OPCML: variants seen among roughly 807,000 people sequenced by gnomAD.
OPCML encodes opioid-binding protein/cell adhesion molecule.
OPCML carries 13 observed loss-of-function variants against 37.8 expected under a neutral mutation model. The observed-to-expected ratio is 0.34, with a 90% CI of 0.22 to 0.55. The LOEUF is 0.55. OPCML is among the 20% of genes least tolerant of loss of function. The probability of loss-of-function intolerance (pLI) is 0.91; values close to 1 mark genes in which losing one functional copy is unlikely to be tolerated. For synonymous variants in OPCML, 176 were observed against 168.8 expected (o/e 1.04, Z -0.33); for missense variants, 341 against 435.6 (o/e 0.78, Z 1.93).
chr11:133,363,817 G>T (rs1164263938), intron 1 of OPCML, among the ~76,000 whole-genome samples: 1 of 152,178 alleles, frequency 6.6e-6, no homozygotes, highest in Admixed American at 6.5e-5. Flanking sequence ...CTATTTCTTT[G>T]CAGGGAGTGA....
intron 1 of OPCML, among the ~76,000 whole-genome samples, chr11:133,448,004 A>C (rs1946506134): frequency 6.6e-6 from 1 of 152,100 alleles, no homozygotes; most frequent in African/African-American, 2.4e-5. Context: ...TCATTTTCTT[A>C]ATGGTGTCTT....
chr11:132,468,752 C>T (rs1159478781), intron 4 of OPCML, among the ~76,000 whole-genome samples: 2 of 152,178 alleles, frequency 1.3e-5, no homozygotes, highest in Non-Finnish European at 2.9e-5. Context: ...GGTAAAGCAG[C>T]TCTACCTCTT....
At chr11:133,312,396 C>T (rs1461133744) in intron 1 of OPCML, among the ~76,000 whole-genome samples, 1 of 152,178 alleles carries the variant, frequency 6.6e-6, no homozygotes, top group East Asian at 1.9e-4. Context: ...TTGCTCCTCT[C>T]CTTCGTTTCA....
rs180767254 is a variant in OPCML at position 133,395,615 on chromosome 11, T to C, written c.61+136649A>G. On this transcript the variant is annotated intron_variant, in intron 1 of 7. Transcript: ENST00000524381. ...TCTTCTGCATATGGATATCCAGTTT[T>C]CCCAGTACAATTTATTGAAGAGACT... Among the ~76,000 whole-genome samples the C allele has an allele frequency of 7.2e-5, 11 of 152,312 alleles. No individual in the cohort carries two copies. The East Asian group carries it at 2.1e-3, about 29-fold the overall frequency.
intron 1 of OPCML, among the ~76,000 whole-genome samples, chr11:133,232,588 A>G (rs1049269979): frequency 6.6e-6 from 1 of 151,652 alleles, no homozygotes; most frequent in Admixed American, 6.6e-5. Flanking sequence ...AAAAAAAACC[A>G]CCTCACTCTT....
At chr11:132,842,095 C>A (rs540464217) in intron 2 of OPCML, among the ~76,000 whole-genome samples, 4 of 152,156 alleles carry the variant, frequency 2.6e-5, no homozygotes, top group African/African-American at 9.6e-5. Context: ...AAGCAAGAAC[C>A]ACTTTCCTAT....
intron 2 of OPCML, among the ~76,000 whole-genome samples, chr11:132,934,906 G>A (rs182223159): frequency 2.0e-5 from 3 of 152,222 alleles, no homozygotes; most frequent in Non-Finnish European, 2.9e-5. Flanking sequence ...TTGGGAGGCC[G>A]GGATGGGGGG....
chr11:132,767,851 A>G (rs1006238351), intron 2 of OPCML, among the ~76,000 whole-genome samples: 1 of 152,064 alleles, frequency 6.6e-6, no homozygotes, highest in Admixed American at 6.5e-5. Flanking sequence ...AATATGGGGG[A>G]AAAACCTAGT....
At chr11:132,897,843 A>T (rs1943906731) in intron 2 of OPCML, among the ~76,000 whole-genome samples, 2 of 152,182 alleles carry the variant, frequency 1.3e-5, no homozygotes, top group South Asian at 4.1e-4. Context: ...GGTGGCAAAA[A>T]CATTGAGAGA....
chr11:133,450,818 C>T (rs1946566357), intron 1 of OPCML, among the ~76,000 whole-genome samples: 1 of 151,596 alleles, frequency 6.6e-6, no homozygotes, highest in Non-Finnish European at 1.5e-5. Flanking sequence ...TGTGAGGTTC[C>T]ACAGACAGTG....
intron 3 of OPCML, among the ~76,000 whole-genome samples, chr11:132,529,665 A>C (rs553025790): frequency 2.0e-5 from 3 of 152,282 alleles, no homozygotes; most frequent in Non-Finnish European, 2.9e-5. Context: ...AGACCCTTTT[A>C]AAATCTTTGA....
intron 2 of OPCML, among the ~76,000 whole-genome samples, chr11:132,775,934 T>A (rs74537565): frequency 0.015 from 2,211 of 152,202 alleles, 22 homozygotes; most frequent in Middle Eastern, 0.034. Flanking sequence ...ACCCCAGTGC[T>A]TTCTGTTTCT....
At chr11:132,467,173 T>C (rs561474682) in intron 4 of OPCML, among the ~76,000 whole-genome samples, 15 of 152,316 alleles carry the variant, frequency 9.8e-5, no homozygotes, top group Non-Finnish European at 1.9e-4. Flanking sequence ...ACTCGTCCAC[T>C]GGCCTGAAGG....
At chr11:132,672,323 G>A (rs1254136671) in intron 2 of OPCML, among the ~76,000 whole-genome samples, 1 of 152,178 alleles carries the variant, frequency 6.6e-6, no homozygotes, top group East Asian at 1.9e-4. Context: ...ATACTTACAT[G>A]TGCTTTTTAG....
chr11:132,780,962 C>T lies in OPCML; in HGVS notation c.147-123643G>A, dbSNP rs549755570. 3.9e-5 allele frequency among the ~76,000 whole-genome samples: 6 copies of T among 152,120 alleles called. No individual in the cohort carries two copies. The South Asian group carries it at 1.2e-3, about 32-fold the overall frequency. On this transcript the variant is annotated intron_variant, in intron 2 of 7. Transcript: ENST00000524381. ...ATATTGTGAATCATAGCAATTTTCC[C>T]TATTTATCTATATTTTATATTTTTT...
At position 132,701,762 on chromosome 11, in the gene OPCML, TTGTGTGTG is replaced by T. The variant is rs34453558; in HGVS notation, c.147-44451_147-44444del. Among the ~76,000 whole-genome samples, 565 of 142,776 alleles carry T rather than the reference TTGTGTGTG, an allele frequency of 4.0e-3. 2 individuals are homozygous for T. The highest frequency in any genetic ancestry group is 5.0e-3 in the Non-Finnish European group (326 of 65,718). The allele number at this position is 142,776 out of a possible 152,430, so 93.7% of individuals were successfully genotyped here. Reference sequence around the variant, plus strand: ...GCTGCCTTTCTTTGCAATTTGATGATTGTGTGTGTGTGTGTGTGTGTGTGTGTGTGTGT... The same window carrying T: ...GCTGCCTTTCTTTGCAATTTGATGATTGTGTGTGTGTGTGTGTGTGTGTGT... On this transcript the variant is annotated intron_variant, in intron 2 of 7. Coordinates refer to ENST00000524381, the MANE Select transcript of OPCML (RefSeq NM_001012393.5).
chr11:133,387,320 T>C (rs1945075324), intron 1 of OPCML, among the ~76,000 whole-genome samples: 1 of 152,180 alleles, frequency 6.6e-6, no homozygotes. Flanking sequence ...CAGTATTTAT[T>C]TGGCCACTTC....
At chr11:133,037,606 C>T (rs1376958236) in intron 1 of OPCML, among the ~76,000 whole-genome samples, 1 of 152,154 alleles carries the variant, frequency 6.6e-6, no homozygotes, top group East Asian at 1.9e-4. Context: ...TTATACTTAG[C>T]TCAAATGTCA....
intron 4 of OPCML, among the ~76,000 whole-genome samples, chr11:132,495,014 A>G (rs2096226872): frequency 7.5e-6 from 1 of 133,482 alleles, no homozygotes; most frequent in Admixed American, 8.1e-5. Flanking sequence ...ATTGTGGATG[A>G]CTTTTTTTTT....
Sources: allele counts gnomAD v4.1 joint callset (sites outside exome capture counted in the v4.1 genomes callset), GRCh38; gene constraint gnomAD v4.1.1; transcripts MANE v1.5; gene names NCBI Gene and HGNC (gene_info 2026-07-23, HGNC 2026-07-21).